Variants in ACOT13 observed in about 807,000 individuals in gnomAD.
ACOT13 encodes acyl-coenzyme A thioesterase 13.
ACOT13 carries 10 observed loss-of-function variants against 11.8 expected under a neutral mutation model. That is an observed-to-expected ratio of 0.85 (90% CI 0.53 to 1.44). The LOEUF is 1.44. ACOT13 is among the 40% of genes most tolerant of loss of function. The probability of loss-of-function intolerance (pLI) is 0.00; values close to 1 mark genes in which losing one functional copy is unlikely to be tolerated. For missense variants in ACOT13, 172 were observed against 174.1 expected (o/e 0.99, Z 0.07); for synonymous variants, 53 against 61.0 (o/e 0.87, Z 0.61).
At position 24,701,885 on chromosome 6, in the gene ACOT13, C is replaced by T. The variant is rs1778898666; in HGVS notation, c.*270C>T. ...AGGTAAAGCAAAGAAACTAGCAGGA[C>T]CACTCTCAGTTAAGATTAAAACTAA... On this transcript the variant is annotated 3_prime_UTR_variant, in exon 3 of 3. Transcript: ENST00000230048. The T allele has an allele frequency of 6.3e-6, 2 of 315,914 alleles. No homozygotes were observed. Among genetic ancestry groups the T allele is most frequent in the East Asian group, 5.7e-5 (1 of 17,392 alleles). 19.6% of individuals were successfully genotyped at this position (315,914 alleles called of 1,614,324 possible).
chr6:24,700,589 CCAT>C (rs1778876893), intron 2 of ACOT13, among the ~76,000 whole-genome samples: 1 of 151,980 alleles, frequency 6.6e-6, no homozygotes, highest in African/African-American at 2.4e-5. Flanking sequence ...GTGCCCACCA[CCAT>C]GCCTAGCTAA....
rs1415616166 is a variant in ACOT13 at position 24,697,875 on chromosome 6, A to G, written c.82-8A>G. The G allele has an allele frequency of 6.3e-7, 1 of 1,575,748 alleles. No homozygotes were observed. Among genetic ancestry groups the G allele is most frequent in the Admixed American group, 2.0e-5 (1 of 51,134 alleles). The stretch of plus-strand genomic sequence containing the variant: ...ATTAATGTTCAGGATTCTTTTTTTT[A>G]CACTTAGATTACTCTTGTCTCTGCT... On this transcript the variant is annotated splice_polypyrimidine_tract_variant and splice_region_variant and intron_variant, in intron 1 of 2. Transcript: ENST00000230048.
intron 1 of ACOT13, among the ~76,000 whole-genome samples, chr6:24,677,692 G>A (rs1380009533): frequency 6.6e-6 from 1 of 152,188 alleles, no homozygotes; most frequent in African/African-American, 2.4e-5. Flanking sequence ...TCTGCTTCAG[G>A]TGTCCATCTT....
Position 24,669,731 on chromosome 6 carries a change from T to A in ACOT13, c.81+2387T>A, listed in dbSNP as rs181884270. Reference sequence around the variant, plus strand: ...ACTCCCATGTCTTGTGAAGAGAAAATAGGGGGAGGAAGGGTGAAAAACAAC... The same window carrying A: ...ACTCCCATGTCTTGTGAAGAGAAAAAAGGGGGAGGAAGGGTGAAAAACAAC... On this transcript the variant is annotated intron_variant, in intron 1 of 2. Transcript: ENST00000230048. Among the ~76,000 whole-genome samples the A allele has an allele frequency of 3.1e-3, 466 of 152,022 alleles. 2 individuals carry two copies. The highest frequency in any genetic ancestry group is 0.01 in the African/African-American group (423 of 41,466).
intron 2 of ACOT13, among the ~76,000 whole-genome samples, chr6:24,699,208 C>CTTTT (rs1248890393): frequency 6.3e-5 from 8 of 127,102 alleles, no homozygotes; most frequent in African/African-American, 9.1e-5. Flanking sequence ...ATAATGTAGG[C>CTTTT]TTTTTTTTTT....
chr6:24,702,965 T>C lies in ACOT13; in HGVS notation c.*1350T>C, dbSNP rs971310937. 6.6e-6 allele frequency: 1 copy of C among 152,330 alleles called. No individual in the cohort carries two copies. Among genetic ancestry groups the C allele is most frequent in the East Asian group, 1.9e-4 (1 of 5,188 alleles). The allele number at this position is 152,330 out of a possible 1,614,324, so 9.4% of individuals were successfully genotyped here. A position where few individuals can be genotyped will look rare whatever the true frequency, so the allele number is the denominator to read the frequency against. ...GGAGTGATACAATCACAGCTTCCCA[T>C]AGCCTCAAAATCCCAGGCTCAAGAC... On this transcript the variant is annotated 3_prime_UTR_variant, in exon 3 of 3. Transcript: ENST00000230048.
Position 24,701,847 on chromosome 6 carries a change from G to GTGTT in ACOT13, c.*234_*237dup, listed in dbSNP as rs974723779. ...TTGGGTGAAAAATTCTTAGCTCAAA[G>GTGTT]TGTTTTAAAAACAGGTAAAGCAAAG... On this transcript the variant is annotated 3_prime_UTR_variant, in exon 3 of 3. Coordinates refer to ENST00000230048, the MANE Select transcript of ACOT13 (RefSeq NM_018473.4). 1 of 405,410 alleles carries GTGTT rather than the reference G, an allele frequency of 2.5e-6. No individual in the cohort carries two copies. The highest frequency in any genetic ancestry group is 4.4e-6 in the Non-Finnish European group (1 of 228,824). 25.1% of individuals were successfully genotyped at this position (405,410 alleles called of 1,614,324 possible). A position where few individuals can be genotyped will look rare whatever the true frequency, so the allele number is the denominator to read the frequency against.
chr6:24,682,984 T>G (rs1310196734), intron 1 of ACOT13, among the ~76,000 whole-genome samples: 1 of 152,168 alleles, frequency 6.6e-6, no homozygotes, highest in Non-Finnish European at 1.5e-5. Flanking sequence ...AGCTCTCTGA[T>G]TGGTTGGGTG....
chr6:24,679,428 G>C (rs553398261), intron 1 of ACOT13, among the ~76,000 whole-genome samples: 2 of 152,178 alleles, frequency 1.3e-5, no homozygotes, highest in Non-Finnish European at 2.9e-5. Flanking sequence ...TCAGGTGACA[G>C]AGAGGTATGC....
Position 24,701,674 on chromosome 6 carries a change from C to A in ACOT13, c.*59C>A. ...ATGAATATCAAGTATAGATTTGACT[C>A]AAACAATTGTAATTTTTGAAATAAA... On this transcript the variant is annotated 3_prime_UTR_variant, in exon 3 of 3. Coordinates refer to ENST00000230048, the MANE Select transcript of ACOT13 (RefSeq NM_018473.4). 1 of 1,459,848 alleles carries A rather than the reference C, an allele frequency of 6.9e-7. No homozygotes were observed. The highest frequency in any genetic ancestry group is 1.4e-5 in the South Asian group (1 of 70,698). 90.4% of individuals were successfully genotyped at this position (1,459,848 alleles called of 1,614,324 possible). A position where few individuals can be genotyped will look rare whatever the true frequency, so the allele number is the denominator to read the frequency against.
intron 1 of ACOT13, among the ~76,000 whole-genome samples, chr6:24,693,307 TC>T (rs1347892036): frequency 2.6e-5 from 4 of 152,226 alleles, no homozygotes; most frequent in Admixed American, 6.5e-5. Context: ...TATGTCACAC[TC>T]CTGTGCTTGA....
chr6:24,698,190 C>T, intron 2 of ACOT13, 123 bp downstream of exon 2: 5 of 878,224 alleles, frequency 5.7e-6, no homozygotes, highest in East Asian at 3.1e-5. Flanking sequence ...TCCTTAACTG[C>T]ACCTATAGAT....
intron 2 of ACOT13, chr6:24,700,817 GGTTT>G (rs1778880225): frequency 6.6e-6 from 1 of 151,912 alleles, no homozygotes; most frequent in African/African-American, 2.4e-5. Context: ...CCTTTTTAAA[GGTTT>G]CTTTCTAAAA....
chr6:24,682,191 C>T (rs892862251), intron 1 of ACOT13, among the ~76,000 whole-genome samples: 1 of 152,194 alleles, frequency 6.6e-6, no homozygotes. Flanking sequence ...TGACAGGTGC[C>T]CAGTATTTTC....
intron 1 of ACOT13, among the ~76,000 whole-genome samples, chr6:24,681,514 C>A (rs1368168541): frequency 1.6e-5 from 2 of 127,778 alleles, no homozygotes; most frequent in South Asian, 2.5e-4. Context: ...TTTATTCTAT[C>A]TTTTTCTTTC....
intron 1 of ACOT13, among the ~76,000 whole-genome samples, chr6:24,679,309 G>A (rs1481933515): frequency 1.3e-5 from 2 of 151,982 alleles, no homozygotes; most frequent in African/African-American, 4.8e-5. Context: ...GTTCAATAGG[G>A]TCTAAGTTTT....
intron 1 of ACOT13, among the ~76,000 whole-genome samples, chr6:24,673,527 A>G (rs2127621637): frequency 6.6e-6 from 1 of 152,178 alleles, no homozygotes; most frequent in Non-Finnish European, 1.5e-5. Context: ...GGCCTGGCTA[A>G]TTTTTGTATT....
At chr6:24,677,204 T>C (rs1227916212) in intron 1 of ACOT13, among the ~76,000 whole-genome samples, 3 of 152,206 alleles carry the variant, frequency 2.0e-5, no homozygotes, top group Non-Finnish European at 4.4e-5. Context: ...AGCATTAGGT[T>C]TGAGCAATCA....
chr6:24,701,530 T>C lies in ACOT13; in HGVS notation c.338T>C (p.Leu113Pro), dbSNP rs763846265. Residue 113 changes from leucine to proline, a missense_variant, in exon 3 of 3, where the codon CTT (leucine) becomes CCT (proline). Coordinates refer to ENST00000230048, the MANE Select transcript of ACOT13 (RefSeq NM_018473.4). ...TAHVLKQGKT[L>P]AFTSVDLTNK... is the part of the protein sequence containing the mutation. ...CATGTTCTGAAGCAAGGAAAAACAC[T>C]TGCATTTACCTCTGTGGATCTGACC... 41 of 1,614,060 alleles carry C rather than the reference T, an allele frequency of 2.5e-5. No homozygotes were observed. The highest frequency in any genetic ancestry group is 3.4e-5 in the Non-Finnish European group (40 of 1,179,950).
Sources: allele counts gnomAD v4.1 joint callset (sites outside exome capture counted in the v4.1 genomes callset), GRCh38; gene constraint gnomAD v4.1.1; transcripts MANE v1.5; gene names NCBI Gene and HGNC (gene_info 2026-07-23, HGNC 2026-07-21).